The following SLC22A12 variants were observed in gnomAD, a reference collection of about 807,000 sequenced individuals.
SLC22A12 encodes the protein solute carrier family 22 member 12.
A neutral mutation model predicts 52.7 loss-of-function variants in SLC22A12; 56 were observed. That is an observed-to-expected ratio of 1.06 (90% CI 0.86 to 1.33). SLC22A12 has a LOEUF of 1.33. Ranked by LOEUF, SLC22A12 falls within the 40% of genes most tolerant of loss-of-function variation. SLC22A12 has a pLI of 0.00. For synonymous variants in SLC22A12, 337 were observed against 324.6 expected, an observed-to-expected ratio of 1.04 and a Z score of -0.41; for missense variants, 683 against 741.5, an observed-to-expected ratio of 0.92 and a Z score of 0.92.
intron 4 of SLC22A12, among the ~76,000 whole-genome samples, chr11:64,595,441 T>TGATG (rs1217467862): frequency 7.7e-6 from 1 of 130,458 alleles, no homozygotes; most frequent in Non-Finnish European, 1.6e-5. Context: ...GATGGATGGA[T>TGATG]GATGGATGGA....
In SLC22A12 at chr11:64,601,695, T is replaced by C. The variant is rs2039459795; in HGVS notation, c.*144T>C. On this transcript the variant is annotated 3_prime_UTR_variant, in exon 10 of 10. Transcript: ENST00000377574. The stretch of plus-strand genomic sequence containing the variant: ...CCCCACTCTCCCCCAGGGCTGCCCC[T>C]CCAGGTGAGCCCTGCCCCTCTCACA... 6 of 872,378 alleles carry C rather than the reference T, an allele frequency of 6.9e-6. No individual in the cohort carries two copies. The highest frequency in any genetic ancestry group is 1.4e-5 in the South Asian group (1 of 69,210). 54.0% of individuals were successfully genotyped at this position (872,378 alleles called of 1,614,324 possible). A position where few individuals can be genotyped will look rare whatever the true frequency, so the allele number is the denominator to read the frequency against.
At chr11:64,595,981 T>G (rs376566031) in intron 4 of SLC22A12, among the ~76,000 whole-genome samples, 26 of 11,880 alleles carry the variant, frequency 2.2e-3, no homozygotes, top group South Asian at 0.014. Flanking sequence ...GGATGGATGG[T>G]TGGAATAGAT....
At chr11:64,593,349 C>A in intron 2 of SLC22A12, 56 bp from the exon 3 acceptor site, 1 of 1,612,610 alleles carries the variant, frequency 6.2e-7, no homozygotes, top group East Asian at 2.2e-5. Flanking sequence ...TCCAGAGCCC[C>A]GTGGCCTGTG....
chr11:64,593,858 C>A, intron 4 of SLC22A12, 55 bp downstream of exon 4: 1 of 1,576,028 alleles, frequency 6.3e-7, no homozygotes, highest in Non-Finnish European at 8.6e-7. Flanking sequence ...ACTCTCCACC[C>A]GGGGGAATGG....
chr11:64,598,725 T>A (rs903021542), intron 5 of SLC22A12, 83 bp from the exon 6 acceptor site: 2 of 1,603,922 alleles, frequency 1.2e-6, no homozygotes, highest in African/African-American at 2.7e-5. Flanking sequence ...ACCAAGGACC[T>A]CAGCTCCCTG....
Position 64,598,560 on chromosome 11 carries a change from T to C in SLC22A12, c.875T>C (p.Leu292Pro). 1 of 1,604,630 alleles carries C rather than the reference T, an allele frequency of 6.2e-7. No individual in the cohort carries two copies. Among genetic ancestry groups the C allele is most frequent in the East Asian group, 2.2e-5 (1 of 44,452 alleles). ...SARWLLTTGR[L>P]DWGLQELWRV... ...CGATGGCTCCTCACCACAGGCAGGC[T>C]GGATTGGGGCCTGCAGGAGCTGTGG... The change falls in exon 5 of 10, where the codon CTG becomes CCG. Residue 292 changes from leucine to proline, a missense_variant. Leu to Pro is a moderately conservative substitution (Grantham distance 98). Coordinates refer to ENST00000377574, the MANE Select transcript of SLC22A12 (RefSeq NM_144585.4).
chr11:64,599,617 TG>T, intron 6 of SLC22A12, 58 bp from the exon 7 acceptor site: 4 of 17,020 alleles, frequency 2.4e-4, no homozygotes, highest in Non-Finnish European at 2.9e-4. Flanking sequence ...GTTCCCACCC[TG>T]CCCACCACCC....
At chr11:64,593,275 AC>A in intron 2 of SLC22A12, 129 bp from the exon 3 acceptor site, 1 of 1,422,396 alleles carries the variant, frequency 7.0e-7, no homozygotes, top group Non-Finnish European at 9.8e-7. Context: ...TGTAGGTTTC[AC>A]CCAGGTGCCG....
At chr11:64,598,458 G>A (rs1015084914) in intron 4 of SLC22A12, 58 bp from the exon 5 acceptor site, 45 of 1,548,080 alleles carry the variant, frequency 2.9e-5, no homozygotes, top group African/African-American at 5.5e-5. Context: ...TGAGGCTGGC[G>A]CAGGCCAGGC....
chr11:64,593,976 C>G (rs1258612541), intron 4 of SLC22A12, among the ~76,000 whole-genome samples, 173 bp downstream of exon 4: 1 of 152,168 alleles, frequency 6.6e-6, no homozygotes, highest in African/African-American at 2.4e-5. Flanking sequence ...CCCAAGACAC[C>G]CACTTCAACC....
In SLC22A12 at chr11:64,600,399, C is replaced by T. The variant is rs1235758366; in HGVS notation, c.1318C>T (p.Leu440=). ...GGCTCTGCGCTCAGCCTTGGCCGTGCTGGGGCTGGGCGGGGTGGGGGCTGC... is the reference window on the plus strand; with the variant it reads ...GGCTCTGCGCTCAGCCTTGGCCGTGTTGGGGCTGGGCGGGGTGGGGGCTGC... ...MGALRSALAV[L]GLGGVGAAFT... Residue 440 remains leucine (L), a synonymous_variant, in exon 8 of 10, where the codon CTG becomes TTG. Transcript: ENST00000377574. 6.2e-7 allele frequency: 1 copy of T among 1,607,288 alleles called. No homozygotes were observed.
chr11:64,592,784 C>G lies in SLC22A12; in HGVS notation c.408C>G (p.Asn136Lys), dbSNP rs1233260388. 8.7e-6 allele frequency: 14 copies of G among 1,613,350 alleles called. No homozygotes were observed. The highest frequency in any genetic ancestry group is 1.2e-5 in the Non-Finnish European group (14 of 1,179,698). ...GCCTCCTCCTCTCCCATCAGTGGAA[C>G]CTCGTGTGTGACTCTCATGCTCTGA... ...IFTSTIVAKWNLVCDSHALKP... is the reference protein window; with the variant it reads ...IFTSTIVAKWKLVCDSHALKP... Residue 136 changes from asparagine (N) to lysine (K), a missense_variant, in exon 2 of 10, where the codon AAC becomes AAG. Transcript: ENST00000377574.
chr11:64,599,596 C>CCCCGCCCCTTGTT, intron 6 of SLC22A12, 80 bp from the exon 7 acceptor site: 13 of 693,512 alleles, frequency 1.9e-5, no homozygotes, highest in South Asian at 1.0e-4. Context: ...CCTGAGCCCC[C>CCCCGCCCCTTGTT]ACCGCCCATT....
At chr11:64,600,070 G>A (rs1173065592) in intron 7 of SLC22A12, among the ~76,000 whole-genome samples, 180 bp downstream of exon 7, 6 of 152,230 alleles carry the variant, frequency 3.9e-5, no homozygotes, top group Non-Finnish European at 8.8e-5. Context: ...CGGTGAAGGA[G>A]TGGCATGGGT....
At chr11:64,599,017 G>T (rs2039349830) in intron 6 of SLC22A12, 94 bp downstream of exon 6, 1 of 1,517,324 alleles carries the variant, frequency 6.6e-7, no homozygotes, top group Non-Finnish European at 8.9e-7. Flanking sequence ...GCTCCGCTTG[G>T]TCCCACTGGC....
intron 4 of SLC22A12, among the ~76,000 whole-genome samples, chr11:64,595,085 T>A (rs1363077420): frequency 2.9e-5 from 3 of 102,308 alleles, no homozygotes; most frequent in South Asian, 3.9e-4. Context: ...GATAGATGGA[T>A]AGATGGAAAG....
chr11:64,593,617 C>T lies in SLC22A12; in HGVS notation c.662-18C>T, dbSNP rs752109186. ...CTCCATGCAGGCTCCAGGGCTGAAC[C>T]ACTCGGTCTCCTTGCAGTGATGGAG... On this transcript the variant is annotated intron_variant, in intron 3 of 9. Transcript: ENST00000377574. 2.5e-6 allele frequency: 4 copies of T among 1,614,186 alleles called. No homozygotes were observed. The East Asian group carries it at 8.9e-5, about 36-fold the overall frequency.
Position 64,599,719 on chromosome 11 carries a change from C to G in SLC22A12, c.1114C>G (p.Gln372Glu), listed in dbSNP as rs1193258722. Residue 372 changes from glutamine to glutamate, a missense_variant, in exon 7 of 10, where the codon CAG becomes GAG. Physicochemically the swap from Gln to Glu is conservative, Grantham distance 29 (BLOSUM62 2). Transcript: ENST00000377574. ...CTTCTTCGGCCTGGCCCTGGACCTG[C>G]AGGCCCTGGGCAGCAACATCTTCCT... ...FTFFGLALDL[Q>E]ALGSNIFLLQ... The G allele has an allele frequency of 6.2e-7, 1 of 1,609,052 alleles. No homozygotes were observed. Among genetic ancestry groups the G allele is most frequent in the South Asian group, 1.1e-5 (1 of 90,960 alleles).
chr11:64,593,641 A>T lies in SLC22A12; in HGVS notation c.668A>T (p.Glu223Val). The change falls in exon 4 of 10, where the codon GAG becomes GTG. Residue 223 changes from glutamate to valine, a missense_variant. Glu to Val is a moderately radical substitution (Grantham distance 121). Transcript: ENST00000377574. ...VMMNTGTLLM[E>V]WTAARARPLV... Reference sequence around the variant, plus strand: ...CCACTCGGTCTCCTTGCAGTGATGGAGTGGACGGCGGCACGGGCCCGACCC... The same window carrying T: ...CCACTCGGTCTCCTTGCAGTGATGGTGTGGACGGCGGCACGGGCCCGACCC... 1 of 1,614,166 alleles carries T rather than the reference A, an allele frequency of 6.2e-7. No homozygotes were observed. The highest frequency in any genetic ancestry group is 8.5e-7 in the Non-Finnish European group (1 of 1,180,032).
Sources: gnomAD v4.1 joint callset for allele counts (sites outside exome capture counted in the v4.1 genomes callset) on GRCh38, gnomAD v4.1.1 for gene constraint, MANE v1.5 for transcripts, NCBI Gene and HGNC (gene_info 2026-07-23, HGNC 2026-07-21) for gene names.